EEPD1: variants seen among roughly 807,000 people sequenced by gnomAD.
EEPD1 encodes the protein endonuclease/exonuclease/phosphatase family domain containing 1.
EEPD1 carries 17 observed loss-of-function variants against 46.3 expected under a neutral mutation model. That is an observed-to-expected ratio of 0.37 (90% CI 0.25 to 0.55). The LOEUF (loss-of-function observed/expected upper bound fraction) is 0.55, where lower values mean the gene tolerates loss of function less well. Among genes scored for constraint, EEPD1 ranks in the 20% least tolerant of loss-of-function variants. The pLI is 0.83. For missense variants in EEPD1, 673 were observed against 745.6 expected (o/e 0.90, Z 1.13); for synonymous variants, 313 against 315.6 (o/e 0.99, Z 0.09).
chr7:36,265,085 G>A (rs1786992344), intron 3 of EEPD1, among the ~76,000 whole-genome samples: 2 of 152,198 alleles, frequency 1.3e-5, no homozygotes, highest in Admixed American at 1.3e-4. Flanking sequence ...TGCCACCGCA[G>A]AGCAGAGCCG....
chr7:36,237,193 A>C (rs1181788389), intron 2 of EEPD1, among the ~76,000 whole-genome samples: 1 of 152,226 alleles, frequency 6.6e-6, no homozygotes, highest in Non-Finnish European at 1.5e-5. Context: ...ACCATAAGGA[A>C]GAAACTCCGA....
Position 36,154,472 on chromosome 7 carries a change from C to T in EEPD1, c.148C>T (p.Leu50=). 6.2e-7 allele frequency: 1 copy of T among 1,614,216 alleles called. No homozygotes were observed. The highest frequency in any genetic ancestry group is 2.2e-5 in the East Asian group (1 of 44,880). ...LNINTATEEE[L]MTLPGVTRAV... ...CATCAACACTGCCACGGAGGAGGAG[C>T]TGATGACCCTGCCTGGGGTGACGCG... Residue 50 remains leucine, a synonymous_variant, in exon 2 of 8, where the codon CTG becomes TTG. Transcript: ENST00000242108. The surrounding 1 kb of genome is among the most constrained non-coding windows in gnomAD (Gnocchi z 4.2).
At chr7:36,263,936 T>TTCA (rs1786972424) in intron 3 of EEPD1, among the ~76,000 whole-genome samples, 1 of 152,358 alleles carries the variant, frequency 6.6e-6, no homozygotes, top group Non-Finnish European at 1.5e-5. Context: ...ATTTTTATGC[T>TTCA]TCATTTCAGG....
intron 2 of EEPD1, among the ~76,000 whole-genome samples, chr7:36,232,811 C>G (rs1353601652): frequency 6.6e-6 from 1 of 151,588 alleles, no homozygotes; most frequent in Non-Finnish European, 1.5e-5. Flanking sequence ...ACATGGCATC[C>G]TTCAGGTTTT....
intron 3 of EEPD1, among the ~76,000 whole-genome samples, chr7:36,245,724 G>T (rs558019777): frequency 6.6e-6 from 1 of 152,352 alleles, no homozygotes; most frequent in African/African-American, 2.4e-5. Context: ...ATGAGCAGAT[G>T]ATCTAAGATG....
intron 2 of EEPD1, among the ~76,000 whole-genome samples, chr7:36,187,532 G>A (rs1398263142): frequency 2.6e-5 from 4 of 152,068 alleles, no homozygotes; most frequent in East Asian, 1.9e-4. Context: ...ATCTCACTTC[G>A]CATAATGTTG....
chr7:36,246,360 T>C (rs1472154636), intron 3 of EEPD1, among the ~76,000 whole-genome samples: 3 of 152,252 alleles, frequency 2.0e-5, no homozygotes, highest in Admixed American at 2.0e-4. Flanking sequence ...GGCTAGCCTC[T>C]GTTTCTTTTT....
intron 2 of EEPD1, 111 bp downstream of exon 2, chr7:36,155,313 T>G: frequency 7.8e-7 from 1 of 1,283,864 alleles, no homozygotes. Flanking sequence ...TGCAAGAGTT[T>G]TTAATCAATG....
At chr7:36,165,357 A>G (rs1265559801) in intron 2 of EEPD1, among the ~76,000 whole-genome samples, 1 of 151,192 alleles carries the variant, frequency 6.6e-6, no homozygotes, top group Non-Finnish European at 1.5e-5. Context: ...TAGGTCTGTG[A>G]AAGTCCACTC....
At chr7:36,208,351 A>G (rs1785861679) in intron 2 of EEPD1, among the ~76,000 whole-genome samples, 1 of 152,240 alleles carries the variant, frequency 6.6e-6, no homozygotes, top group African/African-American at 2.4e-5. Flanking sequence ...GCCCTTTACA[A>G]AGAGTAAGCA....
chr7:36,231,643 A>T (rs1012108669), intron 2 of EEPD1, among the ~76,000 whole-genome samples: 1 of 152,172 alleles, frequency 6.6e-6, no homozygotes, highest in Non-Finnish European at 1.5e-5. Context: ...CTGTGTGTTC[A>T]TCTTGTCCCC....
intron 3 of EEPD1, among the ~76,000 whole-genome samples, chr7:36,256,820 A>G (rs753393042): frequency 2.0e-5 from 3 of 152,194 alleles, no homozygotes; most frequent in Non-Finnish European, 4.4e-5. Context: ...TAGCCCATTT[A>G]CATTTAAGGT....
intron 3 of EEPD1, among the ~76,000 whole-genome samples, chr7:36,240,239 A>G (rs985756582): frequency 2.0e-5 from 3 of 152,250 alleles, no homozygotes; most frequent in Non-Finnish European, 2.9e-5. Context: ...ACTGCACTCC[A>G]GCCTGGAAGT....
intron 5 of EEPD1, among the ~76,000 whole-genome samples, chr7:36,285,519 G>A (rs1038858353): frequency 6.6e-6 from 1 of 152,130 alleles, no homozygotes; most frequent in Non-Finnish European, 1.5e-5. Context: ...GGTTCTCCCC[G>A]GATGCCCTTG....
intron 3 of EEPD1, among the ~76,000 whole-genome samples, chr7:36,276,725 G>A (rs1290019502): frequency 6.6e-6 from 1 of 152,210 alleles, no homozygotes; most frequent in Non-Finnish European, 1.5e-5. Flanking sequence ...TTGCTTGGGG[G>A]AACTTGTTAG....
chr7:36,219,773 G>GAA (rs1435019211), intron 2 of EEPD1, among the ~76,000 whole-genome samples: 1 of 117,142 alleles, frequency 8.5e-6, no homozygotes, highest in African/African-American at 3.4e-5. Flanking sequence ...GAGAGAGAGA[G>GAA]AAAGAGAGAG....
At chr7:36,165,962 G>A (rs530644415) in intron 2 of EEPD1, among the ~76,000 whole-genome samples, 1 of 152,314 alleles carries the variant, frequency 6.6e-6, no homozygotes, top group African/African-American at 2.4e-5. Flanking sequence ...CTTCAGCAAT[G>A]CAGATGAACT....
Position 36,237,235 on chromosome 7 carries a change from G to A in EEPD1, c.879-1750G>A, listed in dbSNP as rs145957172. 2.8e-3 allele frequency among the ~76,000 whole-genome samples: 429 copies of A among 152,230 alleles called. 4 individuals carry two copies. The highest frequency in any genetic ancestry group is 9.5e-3 in the African/African-American group (395 of 41,532). ...CCAAACATCCGAAGGAACAAACTCC[G>A]GACACACCATCTTTAAGAACTGTAA... On this transcript the variant is annotated intron_variant, in intron 2 of 7. Coordinates refer to ENST00000242108, the MANE Select transcript of EEPD1 (RefSeq NM_030636.3).
intron 2 of EEPD1, among the ~76,000 whole-genome samples, chr7:36,171,575 C>A (rs778028881): frequency 2.4e-4 from 36 of 152,138 alleles, no homozygotes; most frequent in Non-Finnish European, 2.4e-4. Flanking sequence ...TGTGTCTGAC[C>A]ACAGACATAT....
Sources: allele counts gnomAD v4.1 joint callset (sites outside exome capture counted in the v4.1 genomes callset), GRCh38; gene constraint gnomAD v4.1.1; non-coding constraint Gnocchi (gnomAD v3.1); transcripts MANE v1.5; gene names NCBI Gene and HGNC (gene_info 2026-07-23, HGNC 2026-07-21).